Variants in KDM2B observed in about 807,000 individuals in gnomAD.
KDM2B encodes the protein lysine-specific demethylase 2B.
Under a neutral mutation model 150.0 loss-of-function variants are expected in KDM2B, and 26 were observed. That is an observed-to-expected ratio of 0.17 (90% confidence interval 0.13 to 0.24). The LOEUF is 0.24. KDM2B is among the 10% of genes least tolerant of loss of function. The pLI, the probability that KDM2B is intolerant of heterozygous loss-of-function variation, is 1.00. For missense variants in KDM2B, 1,265 were observed against 1,816.9 expected (o/e 0.70, Z 5.52); for synonymous variants, 734 against 729.5 (o/e 1.01, Z -0.10).
At chr12:121,567,533 AC>A (rs782539636) in intron 4 of KDM2B, among the ~76,000 whole-genome samples, 5 of 151,980 alleles carry the variant, frequency 3.3e-5, no homozygotes, top group African/African-American at 2.4e-5. Context: ...ACAAAGCAAG[AC>A]CCGTCTCTAC....
intron 8 of KDM2B, among the ~76,000 whole-genome samples, chr12:121,526,967 G>A (rs1279378379): frequency 6.6e-6 from 1 of 151,910 alleles, no homozygotes; most frequent in Non-Finnish European, 1.5e-5. Context: ...AGGAGGCGGA[G>A]GTTGCAGTGA....
chr12:121,424,731 AAAAG>A (rs1240415217), downstream of KDM2B, among the ~76,000 whole-genome samples: 8 of 152,064 alleles, frequency 5.3e-5, no homozygotes, highest in African/African-American at 1.7e-4. Flanking sequence ...AAAAAGAAAA[AAAAG>A]AAAAAAACAA....
In KDM2B at chr12:121,442,845, G is replaced by C; in HGVS notation, c.2605-9C>G. 3 of 1,518,008 alleles carry C rather than the reference G, an allele frequency of 2.0e-6. No individual in the cohort carries two copies. The highest frequency in any genetic ancestry group is 2.6e-6 in the Non-Finnish European group (3 of 1,138,058). 94.0% of individuals were successfully genotyped at this position (1,518,008 alleles called of 1,614,324 possible). On this transcript the variant is annotated splice_polypyrimidine_tract_variant and intron_variant, in intron 18 of 22. Transcript: ENST00000377071. This position sits in a 1 kb window ranked among gnomAD's most constrained non-coding sequence, Gnocchi z 7.7. ...TTCTTCCAGGACCGCCGCTGAGGGC[G>C]AGAGCGGAGACGCGTCAGCCTCTGG...
intron 4 of KDM2B, among the ~76,000 whole-genome samples, chr12:121,572,392 T>C (rs541019586): frequency 2.6e-5 from 4 of 152,298 alleles, no homozygotes; most frequent in East Asian, 3.9e-4. Flanking sequence ...CCACCTCTTC[T>C]GCCACTTTCT....
At chr12:121,490,585 G>T (rs2140272986) in intron 12 of KDM2B, among the ~76,000 whole-genome samples, 1 of 152,296 alleles carries the variant, frequency 6.6e-6, no homozygotes, top group East Asian at 1.9e-4. Flanking sequence ...CAGAGGCTGG[G>T]CCTCAAATAA....
intron 4 of KDM2B, among the ~76,000 whole-genome samples, chr12:121,552,137 G>A (rs1889550274): frequency 6.6e-6 from 1 of 152,102 alleles, no homozygotes; most frequent in Admixed American, 6.6e-5. Flanking sequence ...CAGCACAGGC[G>A]GGTTCTCTAC....
downstream of KDM2B, among the ~76,000 whole-genome samples, chr12:121,425,359 A>T (rs1246208803): frequency 6.6e-6 from 1 of 151,850 alleles, no homozygotes; most frequent in East Asian, 1.9e-4. Context: ...AAATGTTGTG[A>T]AATCTCTTTT....
chr12:121,409,053 C>G, the KDM2B span, among the ~76,000 whole-genome samples: 3 of 151,880 alleles, frequency 2.0e-5, no homozygotes, highest in Non-Finnish European at 4.4e-5. Context: ...GATATCTGCT[C>G]ACTGCAACCT....
In KDM2B at chr12:121,521,135, T is replaced by A. The variant is rs781950320; in HGVS notation, c.932-35A>T. The A allele has an allele frequency of 6.9e-7, 1 of 1,457,844 alleles. No homozygotes were observed. The highest frequency in any genetic ancestry group is 9.6e-7 in the Non-Finnish European group (1 of 1,039,800). The allele number at this position is 1,457,844 out of a possible 1,614,324, so 90.3% of individuals were successfully genotyped here. ...GAAGGGCAAGGAGAGGATGAGCCGC[T>A]GGCCCCTGTGGGCTCCCACACCTCA... On this transcript the variant is annotated intron_variant, in intron 8 of 22. Coordinates refer to ENST00000377071, the MANE Select transcript of KDM2B (RefSeq NM_032590.5). This position sits in a 1 kb window ranked among gnomAD's most constrained non-coding sequence, Gnocchi z 4.9.
chr12:121,476,499 C>A (rs1418142637), intron 12 of KDM2B, among the ~76,000 whole-genome samples: 1 of 151,254 alleles, frequency 6.6e-6, no homozygotes, highest in Admixed American at 6.6e-5. Flanking sequence ...AAAAAAAAAA[C>A]CCTGTCTCTT....
At chr12:121,509,533 C>G in intron 11 of KDM2B, 34 bp downstream of exon 11, 1 of 1,601,402 alleles carries the variant, frequency 6.2e-7, no homozygotes, top group Non-Finnish European at 8.5e-7. Context: ...CGGCCCTCCT[C>G]GGCCGCCCAG....
chr12:121,486,804 A>C (rs891064004), intron 12 of KDM2B, among the ~76,000 whole-genome samples: 6 of 151,720 alleles, frequency 4.0e-5, no homozygotes, highest in Non-Finnish European at 5.9e-5. Flanking sequence ...AATAATCATA[A>C]TCATAATCAT....
intron 6 of KDM2B, among the ~76,000 whole-genome samples, chr12:121,548,295 C>A (rs1555311106): frequency 6.6e-6 from 1 of 152,134 alleles, no homozygotes; most frequent in African/African-American, 2.4e-5. Flanking sequence ...AAAAATAAAC[C>A]ATGGTTAACT....
At chr12:121,556,218 C>T (rs556252936) in intron 4 of KDM2B, among the ~76,000 whole-genome samples, 1 of 152,068 alleles carries the variant, frequency 6.6e-6, no homozygotes, top group Non-Finnish European at 1.5e-5. Flanking sequence ...AGCCACTGCA[C>T]TCGGCCTGTT....
chr12:121,513,527 G>T lies in KDM2B; in HGVS notation c.1048-125C>A. On this transcript the variant is annotated intron_variant, in intron 9 of 22. Transcript: ENST00000377071. The surrounding 1 kb of genome is among the most constrained non-coding windows in gnomAD (Gnocchi z 5.0). Reference sequence around the variant, plus strand: ...CTGTCATCATCTTAGCGAGAGCATGGATGGTCGGGGGAGAAATGGTGGGGT... The same window carrying T: ...CTGTCATCATCTTAGCGAGAGCATGTATGGTCGGGGGAGAAATGGTGGGGT... 9.3e-7 allele frequency: 1 copy of T among 1,076,650 alleles called. No individual in the cohort carries two copies. The highest frequency in any genetic ancestry group is 1.4e-6 in the Non-Finnish European group (1 of 736,052). The allele number at this position is 1,076,650 out of a possible 1,614,324, so 66.7% of individuals were successfully genotyped here.
In KDM2B at chr12:121,452,987, A is replaced by C. The variant is rs1877561903; in HGVS notation, c.1959+133T>G. 1 of 802,194 alleles carries C rather than the reference A, an allele frequency of 1.2e-6. No homozygotes were observed. Among genetic ancestry groups the C allele is most frequent in the Non-Finnish European group, 1.9e-6 (1 of 528,640 alleles). The allele number at this position is 802,194 out of a possible 1,614,324, so 49.7% of individuals were successfully genotyped here. On this transcript the variant is annotated intron_variant, in intron 13 of 22. Coordinates refer to ENST00000377071, the MANE Select transcript of KDM2B (RefSeq NM_032590.5). The surrounding 1 kb of genome is among the most constrained non-coding windows in gnomAD (Gnocchi z 4.4). The stretch of plus-strand genomic sequence containing the variant: ...GGCCAGCGCCTTCCCGTCCACAGGA[A>C]GAGCTCTCGGGGAGTCCACAGCCCC...
At chr12:121,548,252 G>C (rs1201794424) in intron 6 of KDM2B, among the ~76,000 whole-genome samples, 1 of 152,082 alleles carries the variant, frequency 6.6e-6, no homozygotes, top group East Asian at 1.9e-4. Flanking sequence ...GGGAGACAGA[G>C]CAAGACTCTG....
the KDM2B span, among the ~76,000 whole-genome samples, chr12:121,415,748 G>A: frequency 6.6e-6 from 1 of 151,864 alleles, no homozygotes; most frequent in African/African-American, 2.4e-5. Flanking sequence ...GTAAAATACA[G>A]GGTGCCTGAA....
chr12:121,572,913 C>T (rs1490280684), intron 4 of KDM2B, among the ~76,000 whole-genome samples: 2 of 151,384 alleles, frequency 1.3e-5, no homozygotes, highest in Non-Finnish European at 2.9e-5. Flanking sequence ...ACAACCTCTA[C>T]CTCCTAGGTT....
Sources: gnomAD v4.1 joint callset for allele counts (sites outside exome capture counted in the v4.1 genomes callset) on GRCh38, gnomAD v4.1.1 for gene constraint, Gnocchi (gnomAD v3.1) non-coding constraint, MANE v1.5 for transcripts, NCBI Gene and HGNC (gene_info 2026-07-23, HGNC 2026-07-21) for gene names.